ZDHHC17: variants seen among roughly 807,000 people sequenced by gnomAD.
The protein encoded by ZDHHC17 is palmitoyltransferase ZDHHC17.
In ZDHHC17, 40 loss-of-function variants were observed where a neutral mutation model predicts 90.3. That is an observed-to-expected ratio of 0.44 (90% confidence interval 0.34 to 0.58). The LOEUF (loss-of-function observed/expected upper bound fraction) is 0.58. Ranked by LOEUF, ZDHHC17 falls within the 20% of genes least tolerant of loss-of-function variation. The pLI is 0.01. For synonymous variants in ZDHHC17, 235 were observed against 252.4 expected, an observed-to-expected ratio of 0.93 and a Z score of 0.65; for missense variants, 614 against 780.8, an observed-to-expected ratio of 0.79 and a Z score of 2.55.
chr12:76,834,706 A>G (rs1056068152), intron 10 of ZDHHC17, among the ~76,000 whole-genome samples: 1 of 152,188 alleles, frequency 6.6e-6, no homozygotes, highest in East Asian at 1.9e-4. Flanking sequence ...TACATTCTCA[A>G]TCATGTGCAT....
chr12:76,779,640 A>G (rs1412028058), intron 1 of ZDHHC17, among the ~76,000 whole-genome samples: 1 of 152,218 alleles, frequency 6.6e-6, no homozygotes, highest in East Asian at 1.9e-4. Context: ...CATCAGCCTC[A>G]TAACAGTCTT....
intron 13 of ZDHHC17, 161 bp from the exon 14 acceptor site, chr12:76,846,435 T>C (rs1953495644): frequency 1.7e-6 from 1 of 574,994 alleles, no homozygotes; most frequent in Non-Finnish European, 3.1e-6. Flanking sequence ...ATTTAAGATT[T>C]TTATTAAAAC....
Position 76,826,943 on chromosome 12 carries a change from C to G in ZDHHC17, c.933C>G (p.Phe311Leu). Reference sequence around the variant, plus strand: ...AGAAAGTAATGTTAGGAACTCCTTTCCTAGTTATTTGGCTGGTTGGGTTTA... The same window carrying G: ...AGAAAGTAATGTTAGGAACTCCTTTGCTAGTTATTTGGCTGGTTGGGTTTA... ...FRQKVMLGTP[F>L]LVIWLVGFIA... The change falls in exon 9 of 17, where the codon TTC becomes TTG. Residue 311 changes from phenylalanine to leucine, a missense_variant. Physicochemically the swap from Phe to Leu is conservative, Grantham distance 22. This residue lies in a region of ZDHHC17 where 117 missense variants were observed against 183.6 expected (regional missense o/e 0.64). Coordinates refer to ENST00000426126, the MANE Select transcript of ZDHHC17 (RefSeq NM_015336.4). 6.5e-7 allele frequency: 1 copy of G among 1,528,706 alleles called. No homozygotes were observed. The highest frequency in any genetic ancestry group is 2.5e-5 in the East Asian group (1 of 39,344). 94.7% of individuals were successfully genotyped at this position (1,528,706 alleles called of 1,614,324 possible).
intron 2 of ZDHHC17, among the ~76,000 whole-genome samples, chr12:76,800,689 A>T (rs944926299): frequency 6.6e-6 from 1 of 151,770 alleles, no homozygotes; most frequent in East Asian, 1.9e-4. Context: ...TACTATTTGC[A>T]TGGAATTTCT....
intron 1 of ZDHHC17, among the ~76,000 whole-genome samples, chr12:76,767,599 G>T (rs933116217): frequency 2.0e-5 from 3 of 152,204 alleles, no homozygotes; most frequent in Non-Finnish European, 4.4e-5. Context: ...TTGGTGTTCA[G>T]TGAGAGGCAG....
intron 10 of ZDHHC17, among the ~76,000 whole-genome samples, chr12:76,838,088 GT>G (rs202174570): frequency 6.6e-6 from 1 of 151,158 alleles, no homozygotes; most frequent in Non-Finnish European, 1.5e-5. Context: ...ATCTCAGTCT[GT>G]TTTTTTTCTA....
At chr12:76,826,640 AGT>A (rs1953233873) in intron 8 of ZDHHC17, among the ~76,000 whole-genome samples, 1 of 152,206 alleles carries the variant, frequency 6.6e-6, no homozygotes, top group South Asian at 2.1e-4. Context: ...TTAAGCAGGT[AGT>A]ACTGTCTTCT....
At position 76,822,378 on chromosome 12, in the gene ZDHHC17, T is replaced by C. The variant is rs549618949; in HGVS notation, c.772-28T>C. On this transcript the variant is annotated intron_variant, in intron 7 of 16. Coordinates refer to ENST00000426126, the MANE Select transcript of ZDHHC17 (RefSeq NM_015336.4). ...AGATAGCCTGCTTTTAAACTTTTAA[T>C]AGGAATTTCTTCTGTTTATATTATC... 9.3e-6 allele frequency: 15 copies of C among 1,606,686 alleles called. No individual in the cohort carries two copies. In the East Asian group the frequency reaches 2.9e-4, roughly 31 times the overall value.
At chr12:76,816,888 A>T (rs942487610) in intron 7 of ZDHHC17, among the ~76,000 whole-genome samples, 1 of 152,054 alleles carries the variant, frequency 6.6e-6, no homozygotes, top group African/African-American at 2.4e-5. Context: ...GGAAACCATA[A>T]GAGATTGATA....
intron 1 of ZDHHC17, among the ~76,000 whole-genome samples, chr12:76,775,504 G>A (rs925545151): frequency 1.3e-5 from 2 of 152,084 alleles, no homozygotes; most frequent in Non-Finnish European, 2.9e-5. Flanking sequence ...AGCCTAAAGA[G>A]TGATATTTTA....
intron 1 of ZDHHC17, among the ~76,000 whole-genome samples, chr12:76,786,148 T>G (rs1350964543): frequency 7.9e-5 from 12 of 151,586 alleles, no homozygotes; most frequent in African/African-American, 2.9e-4. Context: ...AGAGATGGGA[T>G]CTTGCTCTGT....
chr12:76,765,563 G>C (rs1355903448), intron 1 of ZDHHC17, among the ~76,000 whole-genome samples: 1 of 152,176 alleles, frequency 6.6e-6, no homozygotes, highest in African/African-American at 2.4e-5. Context: ...CATCTCTTTT[G>C]GTTCACTTAG....
chr12:76,826,311 A>G lies in ZDHHC17; in HGVS notation c.898-597A>G, dbSNP rs1183300447. Among the ~76,000 whole-genome samples, 3 of 152,188 alleles carry G rather than the reference A, an allele frequency of 2.0e-5. No homozygotes were observed. The East Asian group carries it at 5.8e-4, about 29-fold the overall frequency. On this transcript the variant is annotated intron_variant, in intron 8 of 16. Coordinates refer to ENST00000426126, the MANE Select transcript of ZDHHC17 (RefSeq NM_015336.4). ...TACAAGTATGGACTTTAACAACCAG[A>G]CCAGTACAGAAATGAAATGGAAATA...
At chr12:76,768,451 G>A (rs146578954) in intron 1 of ZDHHC17, among the ~76,000 whole-genome samples, 172 of 152,314 alleles carry the variant, frequency 1.1e-3, no homozygotes, top group African/African-American at 4.0e-3. Flanking sequence ...ACGTAGCATT[G>A]TGTTAGGTTA....
At chr12:76,795,640 A>G (rs970915492) in intron 1 of ZDHHC17, among the ~76,000 whole-genome samples, 36 of 152,200 alleles carry the variant, frequency 2.4e-4, no homozygotes, top group African/African-American at 7.7e-4. Context: ...CTGAATATAG[A>G]GCATAGAGAG....
At chr12:76,841,561 AAG>A (rs1482317269) in intron 10 of ZDHHC17, among the ~76,000 whole-genome samples, 1 of 152,168 alleles carries the variant, frequency 6.6e-6, no homozygotes, top group Non-Finnish European at 1.5e-5. Context: ...TGTTCAAAAA[AAG>A]GCAAAAGTGA....
At chr12:76,849,118 TAAAAAAAAAAAAAAAAAAAAAAACCCA>T (rs1953529230) in intron 15 of ZDHHC17, among the ~76,000 whole-genome samples, 3 of 48,474 alleles carry the variant, frequency 6.2e-5, no homozygotes, top group Non-Finnish European at 4.2e-5. Context: ...ACCCTATCTC[TAAAAAAAAAAAAAAAAAAAAAAACCCA>T]ACAAAAAAAA....
At chr12:76,796,282 T>G (rs990141003) in intron 1 of ZDHHC17, among the ~76,000 whole-genome samples, 2 of 152,178 alleles carry the variant, frequency 1.3e-5, no homozygotes, top group Admixed American at 1.3e-4. Context: ...TACACATATG[T>G]TTGTCAAAAA....
chr12:76,795,929 A>T (rs1450498842), intron 1 of ZDHHC17, among the ~76,000 whole-genome samples: 1 of 152,148 alleles, frequency 6.6e-6, no homozygotes, highest in Non-Finnish European at 1.5e-5. Context: ...GTTAAAGTGT[A>T]TTTTAACATT....
Sources: gnomAD v4.1 joint callset for allele counts (sites outside exome capture counted in the v4.1 genomes callset) on GRCh38, gnomAD v4.1.1 for gene constraint, gnomAD v4.1.1 regional missense constraint, MANE v1.5 for transcripts, NCBI Gene and HGNC (gene_info 2026-07-23, HGNC 2026-07-21) for gene names.